Variants in EDAR observed in about 807,000 individuals in gnomAD.
EDAR encodes tumor necrosis factor receptor superfamily member EDAR.
EDAR carries 38 observed loss-of-function variants against 51.3 expected under a neutral mutation model. The observed-to-expected ratio is 0.74, with a 90% CI of 0.57 to 0.97. EDAR has a LOEUF of 0.97. EDAR is among the 50% of genes least tolerant of loss of function. EDAR has a pLI of 0.00. For synonymous variants in EDAR, 227 were observed against 242.1 expected (o/e 0.94, Z 0.58); for missense variants, 528 against 595.0 (o/e 0.89, Z 1.17).
intron 1 of EDAR, among the ~76,000 whole-genome samples, chr2:108,945,151 T>C (rs1697691681): frequency 6.6e-6 from 1 of 152,062 alleles, no homozygotes; most frequent in South Asian, 2.1e-4. Flanking sequence ...CGATCCTGTG[T>C]GGGGAGCAAC....
chr2:108,929,442 C>A, intron 3 of EDAR, 63 bp from the exon 4 acceptor site: 1 of 1,548,484 alleles, frequency 6.5e-7, no homozygotes, highest in Non-Finnish European at 8.9e-7. Context: ...ACGGACTCGG[C>A]CCACAGTCCT....
chr2:108,974,309 G>A lies in EDAR; in HGVS notation c.-19+14651C>T, dbSNP rs1242410257. ...CACACCACTGCACTATAGCCTGGGA[G>A]ACAGAGCGAGGATCCGTCTCAAAAA... On this transcript the variant is annotated intron_variant, in intron 1 of 11. Coordinates refer to ENST00000258443, the MANE Select transcript of EDAR (RefSeq NM_022336.4). Among the ~76,000 whole-genome samples the A allele has an allele frequency of 1.3e-4, 15 of 115,096 alleles. No individual in the cohort carries two copies. The Admixed American group carries it at 1.8e-3, about 14-fold the overall frequency. 75.5% of individuals were successfully genotyped at this position (115,096 alleles called of 152,430 possible).
chr2:108,972,034 C>G (rs1462093648), intron 1 of EDAR, among the ~76,000 whole-genome samples: 1 of 152,200 alleles, frequency 6.6e-6, no homozygotes, highest in Non-Finnish European at 1.5e-5. Flanking sequence ...TGTGGGTCCT[C>G]CAGCCTGGCC....
intron 1 of EDAR, among the ~76,000 whole-genome samples, chr2:108,970,685 C>T (rs1007862586): frequency 2.6e-5 from 4 of 152,214 alleles, no homozygotes; most frequent in East Asian, 1.9e-4. Flanking sequence ...TTGGAGAAGA[C>T]AGAAAAACCA....
At chr2:108,957,694 C>T (rs260707) in intron 1 of EDAR, among the ~76,000 whole-genome samples, 40,632 of 152,212 alleles carry the variant, frequency 0.27, 10,152 homozygotes, top group East Asian at 0.94. Context: ...CCCCATCCTT[C>T]ACCGGGCCTA....
chr2:108,908,159 C>T (rs1206556250), intron 9 of EDAR, 140 bp from the exon 10 acceptor site: 2 of 933,592 alleles, frequency 2.1e-6, no homozygotes, highest in East Asian at 2.7e-5. Context: ...TTACTGGGCA[C>T]CTTGTGGGCA....
At chr2:108,956,115 A>G (rs1697921413) in intron 1 of EDAR, among the ~76,000 whole-genome samples, 1 of 152,204 alleles carries the variant, frequency 6.6e-6, no homozygotes, top group Non-Finnish European at 1.5e-5. Flanking sequence ...TATTGTCTTA[A>G]TTATTCTTAA....
intron 1 of EDAR, among the ~76,000 whole-genome samples, chr2:108,987,466 A>G (rs1312040027): frequency 6.6e-6 from 1 of 152,250 alleles, no homozygotes. Context: ...TGAGAAACAA[A>G]GATGAGCCCC....
intron 1 of EDAR, among the ~76,000 whole-genome samples, chr2:108,981,692 A>G (rs1199993319): frequency 6.6e-6 from 1 of 152,170 alleles, no homozygotes; most frequent in Non-Finnish European, 1.5e-5. Context: ...ACTTCAAGCT[A>G]ATTTGAAACA....
At chr2:108,916,176 C>A (rs908927210) in intron 5 of EDAR, among the ~76,000 whole-genome samples, 3 of 152,144 alleles carry the variant, frequency 2.0e-5, no homozygotes, top group African/African-American at 7.2e-5. Context: ...TAAGAGCAAA[C>A]AAGAGATTGA....
intron 1 of EDAR, among the ~76,000 whole-genome samples, chr2:108,962,810 C>T (rs900079667): frequency 6.6e-6 from 1 of 152,066 alleles, no homozygotes; most frequent in Non-Finnish European, 1.5e-5. Flanking sequence ...ACCATTCTGT[C>T]CAAGAGACTG....
chr2:108,971,185 C>T (rs1346116365), intron 1 of EDAR, among the ~76,000 whole-genome samples: 1 of 152,180 alleles, frequency 6.6e-6, no homozygotes, highest in Non-Finnish European at 1.5e-5. Flanking sequence ...CCGTCTCCAA[C>T]TGGATTCCTT....
intron 1 of EDAR, among the ~76,000 whole-genome samples, chr2:108,988,730 T>A (rs1396639103): frequency 6.6e-6 from 1 of 152,196 alleles, no homozygotes; most frequent in East Asian, 1.9e-4. Context: ...TAACCAAATG[T>A]GCAACCAACA....
At chr2:108,924,393 G>A (rs146661420) in intron 4 of EDAR, among the ~76,000 whole-genome samples, 65 of 152,242 alleles carry the variant, frequency 4.3e-4, no homozygotes, top group African/African-American at 1.5e-3. Flanking sequence ...TCCTAGCCTG[G>A]GCCCATTTTC....
At chr2:108,923,145 C>T (rs916392115) in intron 5 of EDAR, among the ~76,000 whole-genome samples, 1 of 152,172 alleles carries the variant, frequency 6.6e-6, no homozygotes, top group African/African-American at 2.4e-5. Flanking sequence ...TAGCTGGTGG[C>T]CAACCTGCAC....
chr2:108,937,599 AGT>A (rs1289017277), intron 1 of EDAR, among the ~76,000 whole-genome samples: 1 of 142,464 alleles, frequency 7.0e-6, no homozygotes, highest in Non-Finnish European at 1.6e-5. Context: ...TTTGTATATG[AGT>A]GTGTGTATAT....
rs116554776 is a variant in EDAR, at chr2:108,926,096, G to C, written c.357-2643C>G. ...GTAGGACTAGGCTAAACTCCTCACCGCCTGGCTTACACCTGGGTCTCTCAT... is the reference window on the plus strand; with the variant it reads ...GTAGGACTAGGCTAAACTCCTCACCCCCTGGCTTACACCTGGGTCTCTCAT... On this transcript the variant is annotated intron_variant, in intron 4 of 11. Coordinates refer to ENST00000258443, the MANE Select transcript of EDAR (RefSeq NM_022336.4). Among the ~76,000 whole-genome samples, 741 of 152,244 alleles carry C rather than the reference G, an allele frequency of 4.9e-3. 10 individuals carry two copies. Among genetic ancestry groups the C allele is most frequent in the African/African-American group, 0.017 (694 of 41,534 alleles).
chr2:108,964,346 G>A (rs1170638797), intron 1 of EDAR, among the ~76,000 whole-genome samples: 1 of 152,150 alleles, frequency 6.6e-6, no homozygotes, highest in Non-Finnish European at 1.5e-5. Context: ...TCAAGTCTCA[G>A]TCTCTGCCAC....
At chr2:108,906,568 T>C (rs550668654) in intron 10 of EDAR, among the ~76,000 whole-genome samples, 200 bp from the exon 11 acceptor site, 1 of 152,100 alleles carries the variant, frequency 6.6e-6, no homozygotes, top group Non-Finnish European at 1.5e-5. Flanking sequence ...ATTTTTGGGG[T>C]CTACCACGGG....
Sources: gnomAD v4.1 joint callset for allele counts (sites outside exome capture counted in the v4.1 genomes callset) on GRCh38, gnomAD v4.1.1 for gene constraint, MANE v1.5 for transcripts, NCBI Gene and HGNC (gene_info 2026-07-23, HGNC 2026-07-21) for gene names.